PLCG1: variants seen among roughly 807,000 people sequenced by gnomAD.
PLCG1 encodes 1-phosphatidylinositol 4,5-bisphosphate phosphodiesterase gamma-1.
In PLCG1, 71 loss-of-function variants were observed where a neutral mutation model predicts 177.8. That is an observed-to-expected ratio of 0.40 (90% confidence interval 0.33 to 0.49). The LOEUF (loss-of-function observed/expected upper bound fraction) is 0.49, where lower values mean the gene tolerates loss of function less well. Among genes scored for constraint, PLCG1 ranks in the 20% least tolerant of loss-of-function variants. PLCG1 has a pLI of 0.72. For synonymous variants in PLCG1, 658 were observed against 647.9 expected (o/e 1.02, Z -0.24); for missense variants, 1,281 against 1,709.0 (o/e 0.75, Z 4.42).
In PLCG1 at chr20:41,147,497, C is replaced by T. The variant is rs943032868; in HGVS notation, c.217+9639C>T. ...GGTAAAACGATAGGTTATTCAACTT[C>T]AACTTCAGAGAAAGAAATCCAAGGT... is the stretch of plus-strand genomic sequence containing the variant. On this transcript the variant is annotated intron_variant, in intron 1 of 31. Coordinates refer to ENST00000685551, the MANE Select transcript of PLCG1 (RefSeq NM_002660.3). This position sits in a 1 kb window ranked among gnomAD's most constrained non-coding sequence, Gnocchi z 4.0. Among the ~76,000 whole-genome samples, 1 of 152,196 alleles carries T rather than the reference C, an allele frequency of 6.6e-6. No homozygotes were observed. Among genetic ancestry groups the T allele is most frequent in the Non-Finnish European group, 1.5e-5 (1 of 68,032 alleles).
At position 41,163,010 on chromosome 20, in the gene PLCG1, G is replaced by C; in HGVS notation, c.716+18G>C. ...ACTCTGAGGTTTGGTTTGGAGTGGG[G>C]AGGTGGGGTTTTCCCTGGGCCCCCT... On this transcript the variant is annotated intron_variant, in intron 7 of 31. Coordinates refer to ENST00000685551, the MANE Select transcript of PLCG1 (RefSeq NM_002660.3). The surrounding 1 kb of genome is among the most constrained non-coding windows in gnomAD (Gnocchi z 5.2). 1 of 1,613,154 alleles carries C rather than the reference G, an allele frequency of 6.2e-7. No individual in the cohort carries two copies. Among genetic ancestry groups the C allele is most frequent in the South Asian group, 1.1e-5 (1 of 91,056 alleles).
Position 41,174,572 on chromosome 20 carries a change from G to T in PLCG1, c.*63G>T, listed in dbSNP as rs2036005594. On this transcript the variant is annotated 3_prime_UTR_variant, in exon 32 of 32. Coordinates refer to ENST00000685551, the MANE Select transcript of PLCG1 (RefSeq NM_002660.3). This position sits in a 1 kb window ranked among gnomAD's most constrained non-coding sequence, Gnocchi z 5.8. ...GCGCCTTGTAGAATGCCGCGAACTG[G>T]GTTCTTTGGAAGCAGCCCCCTGTGG... 5 of 1,466,992 alleles carry T rather than the reference G, an allele frequency of 3.4e-6. No individual in the cohort carries two copies. In the East Asian group the frequency reaches 7.4e-5, roughly 22 times the overall value. 90.9% of individuals were successfully genotyped at this position (1,466,992 alleles called of 1,614,324 possible). A position where few individuals can be genotyped will look rare whatever the true frequency, so the allele number is the denominator to read the frequency against.
chr20:41,137,903 C>T lies in PLCG1; in HGVS notation c.217+45C>T, dbSNP rs890829039. On this transcript the variant is annotated intron_variant, in intron 1 of 31. Transcript: ENST00000685551. This position sits in a 1 kb window ranked among gnomAD's most constrained non-coding sequence, Gnocchi z 7.3. ...GCCTGGGCCCGCCCCGCGCGGGGGTCGTGGGAGCCCGGCCCGACTGCTTGC... is the reference window on the plus strand; with the variant it reads ...GCCTGGGCCCGCCCCGCGCGGGGGTTGTGGGAGCCCGGCCCGACTGCTTGC... 1 of 1,198,646 alleles carries T rather than the reference C, an allele frequency of 8.3e-7. No individual in the cohort carries two copies. Among genetic ancestry groups the T allele is most frequent in the Non-Finnish European group, 1.1e-6 (1 of 944,472 alleles). 74.3% of individuals were successfully genotyped at this position (1,198,646 alleles called of 1,614,324 possible). A position where few individuals can be genotyped will look rare whatever the true frequency, so the allele number is the denominator to read the frequency against.
Position 41,153,670 on chromosome 20 carries a change from G to GA in PLCG1, c.218-5936_218-5935insA, listed in dbSNP as rs2035232735. Among the ~76,000 whole-genome samples the GA allele has an allele frequency of 6.6e-6, 1 of 152,154 alleles. No individual in the cohort carries two copies. Among genetic ancestry groups the GA allele is most frequent in the Non-Finnish European group, 1.5e-5 (1 of 68,026 alleles). The stretch of plus-strand genomic sequence containing the variant: ...CCAGCACTTTGGGAGGCCGAGGCAG[G>GA]CGAATCACTGGAGGTCAGGAGTTTG... On this transcript the variant is annotated intron_variant, in intron 1 of 31. Coordinates refer to ENST00000685551, the MANE Select transcript of PLCG1 (RefSeq NM_002660.3). This position sits in a 1 kb window ranked among gnomAD's most constrained non-coding sequence, Gnocchi z 5.1.
In PLCG1 at chr20:41,165,122, C is replaced by T. The variant is rs748863824; in HGVS notation, c.1386+21C>T. The T allele has an allele frequency of 2.6e-5, 42 of 1,606,864 alleles. No individual in the cohort carries two copies. The African/African-American group carries it at 3.6e-4, about 14-fold the overall frequency. On this transcript the variant is annotated intron_variant, in intron 13 of 31. Transcript: ENST00000685551. This position sits in a 1 kb window ranked among gnomAD's most constrained non-coding sequence, Gnocchi z 6.6. ...TCAAGGTGGGGTGGCGGGCTTATTG[C>T]GGAAGCCCCACACTTCTCAGTGCCT... is the stretch of plus-strand genomic sequence containing the variant.
intron 23 of PLCG1, 87 bp from the exon 24 acceptor site, chr20:41,170,025 C>T: frequency 8.2e-7 from 1 of 1,218,308 alleles, no homozygotes; most frequent in Non-Finnish European, 1.2e-6. Flanking sequence ...TGAGATAGAA[C>T]TCATTTGAGC....
At position 41,147,531 on chromosome 20, in the gene PLCG1, C is replaced by A. The variant is rs962394921; in HGVS notation, c.217+9673C>A. Among the ~76,000 whole-genome samples the A allele has an allele frequency of 6.6e-6, 1 of 152,242 alleles. No individual in the cohort carries two copies. The highest frequency in any genetic ancestry group is 1.5e-5 in the Non-Finnish European group (1 of 68,046). ...AGAAAGAAATCCAAGGTAGCCATCT[C>A]TCTCAGTAGGGGAGGTGAGTTCAAA... On this transcript the variant is annotated intron_variant, in intron 1 of 31. Transcript: ENST00000685551. This position sits in a 1 kb window ranked among gnomAD's most constrained non-coding sequence, Gnocchi z 4.0.
Position 41,167,878 on chromosome 20 carries a change from G to A in PLCG1, c.2328G>A (p.Glu776=). ...TAEPDYGALY[E]GRNPGFYVEA... is the part of the protein sequence containing the mutation. Reference sequence around the variant, plus strand: ...AGCCTGACTACGGGGCCCTGTATGAGGGACGCAACCCTGGCTTCTATGTAG... The same window carrying A: ...AGCCTGACTACGGGGCCCTGTATGAAGGACGCAACCCTGGCTTCTATGTAG... The change falls in exon 20 of 32, where the codon GAG becomes GAA. Residue 776 remains glutamate (E), a synonymous_variant. Coordinates refer to ENST00000685551, the MANE Select transcript of PLCG1 (RefSeq NM_002660.3). The surrounding 1 kb of genome is among the most constrained non-coding windows in gnomAD (Gnocchi z 4.4). The A allele has an allele frequency of 6.2e-7, 1 of 1,613,772 alleles. No homozygotes were observed. The highest frequency in any genetic ancestry group is 8.5e-7 in the Non-Finnish European group (1 of 1,179,776).
At position 41,167,707 on chromosome 20, in the gene PLCG1, C is replaced by A; in HGVS notation, c.2302-145C>A. On this transcript the variant is annotated intron_variant, in intron 19 of 31. Transcript: ENST00000685551. This position sits in a 1 kb window ranked among gnomAD's most constrained non-coding sequence, Gnocchi z 4.4. ...AGGCCGGGCCTGAGGCCTCTGAAGC[C>A]GTCTCTACTGAGGTCGAAGGATCCC... 1 of 640,774 alleles carries A rather than the reference C, an allele frequency of 1.6e-6. No homozygotes were observed. Among genetic ancestry groups the A allele is most frequent in the Non-Finnish European group, 2.8e-6 (1 of 354,230 alleles). 39.7% of individuals were successfully genotyped at this position (640,774 alleles called of 1,614,324 possible). A position where few individuals can be genotyped will look rare whatever the true frequency, so the allele number is the denominator to read the frequency against.
rs1158373609 is a variant in PLCG1, at chr20:41,162,488, G to A, written c.549G>A (p.Gln183=). 1 of 1,613,856 alleles carries A rather than the reference G, an allele frequency of 6.2e-7. No homozygotes were observed. The highest frequency in any genetic ancestry group is 8.5e-7 in the Non-Finnish European group (1 of 1,179,978). ...SAKDLKNMLS[Q]VNYRVPNMRF... is the part of the protein sequence containing the mutation. ...AGGACCTGAAGAACATGCTGTCCCAGGTCAACTACCGGGTCCCCAACATGC... is the reference window on the plus strand; with the variant it reads ...AGGACCTGAAGAACATGCTGTCCCAAGTCAACTACCGGGTCCCCAACATGC... The change falls in exon 5 of 32, where the codon CAG becomes CAA. Residue 183 remains glutamine (Q), a synonymous_variant. Coordinates refer to ENST00000685551, the MANE Select transcript of PLCG1 (RefSeq NM_002660.3).
intron 4 of PLCG1, among the ~76,000 whole-genome samples, chr20:41,162,118 G>C (rs938211985): frequency 6.6e-6 from 1 of 152,154 alleles, no homozygotes; most frequent in Non-Finnish European, 1.5e-5. Flanking sequence ...CAGCAGTGCC[G>C]GTAGGAGGGG....
At position 41,150,284 on chromosome 20, in the gene PLCG1, TAGTG is replaced by T. The variant is rs549665167; in HGVS notation, c.218-9319_218-9316del. 5.6e-4 allele frequency among the ~76,000 whole-genome samples: 85 copies of T among 152,300 alleles called. No homozygotes were observed. The highest frequency in any genetic ancestry group is 2.0e-3 in the African/African-American group (83 of 41,558). ...GAGTTTGAGACAAGCTTGGGCAACA[TAGTG>T]AGACCCCATCTCTATAAAATATAAA... On this transcript the variant is annotated intron_variant, in intron 1 of 31. Coordinates refer to ENST00000685551, the MANE Select transcript of PLCG1 (RefSeq NM_002660.3). This position sits in a 1 kb window ranked among gnomAD's most constrained non-coding sequence, Gnocchi z 4.0.
At chr20:41,143,447 G>A (rs2034894856) in intron 1 of PLCG1, among the ~76,000 whole-genome samples, 1 of 152,196 alleles carries the variant, frequency 6.6e-6, no homozygotes. Flanking sequence ...CAGACTGTGA[G>A]GAGAGTCCTA....
chr20:41,166,731 A>G lies in PLCG1; in HGVS notation c.2173A>G (p.Met725Val). The G allele has an allele frequency of 2.5e-6, 4 of 1,614,158 alleles. No homozygotes were observed. The highest frequency in any genetic ancestry group is 3.4e-6 in the Non-Finnish European group (4 of 1,180,022). ...CRVQQEGQTVMLGNSEFDSLV... is the reference protein window; with the variant it reads ...CRVQQEGQTVVLGNSEFDSLV... ...TGTCCAGCAAGAGGGCCAGACAGTG[A>G]TGCTAGGGAACTCGGAGTTCGACAG... The change falls in exon 19 of 32, where the codon ATG becomes GTG. Residue 725 changes from methionine to valine, a missense_variant. Physicochemically the swap from Met to Val is conservative, Grantham distance 21. Coordinates refer to ENST00000685551, the MANE Select transcript of PLCG1 (RefSeq NM_002660.3). This position sits in a 1 kb window ranked among gnomAD's most constrained non-coding sequence, Gnocchi z 8.6.
At chr20:41,169,384 C>A in intron 22 of PLCG1, 73 bp from the exon 23 acceptor site, 1 of 1,199,374 alleles carries the variant, frequency 8.3e-7, no homozygotes, top group Non-Finnish European at 1.2e-6. Context: ...GTATTTGTCC[C>A]ATGCACACGG....
In PLCG1 at chr20:41,166,296, C is replaced by A. The variant is rs766244248; in HGVS notation, c.1902C>A (p.Asp634Glu). 1.2e-6 allele frequency: 2 copies of A among 1,614,186 alleles called. No individual in the cohort carries two copies. Among genetic ancestry groups the A allele is most frequent in the East Asian group, 4.5e-5 (2 of 44,884 alleles). Residue 634 changes from aspartate to glutamate, a missense_variant, in exon 17 of 32, where the codon GAC becomes GAA. This residue lies in a region of PLCG1 where 723 missense variants were observed against 1,030.0 expected (regional missense o/e 0.70). Transcript: ENST00000685551. The surrounding 1 kb of genome is among the most constrained non-coding windows in gnomAD (Gnocchi z 8.6). ...TDNLVFDSLYDLITHYQQVPL... is the reference protein window; with the variant it reads ...TDNLVFDSLYELITHYQQVPL... ...ACCTCGTCTTTGACTCCCTCTATGA[C>A]CTCATCACGCACTACCAGCAGGTGC... is the stretch of plus-strand genomic sequence containing the variant.
chr20:41,174,775 A>T lies in PLCG1; in HGVS notation c.*266A>T. Reference sequence around the variant, plus strand: ...ACACATCTGGCCCTGACTTCTGGAGATGGATCCTTCCATCTTGTGGGGCCA... The same window carrying T: ...ACACATCTGGCCCTGACTTCTGGAGTTGGATCCTTCCATCTTGTGGGGCCA... On this transcript the variant is annotated 3_prime_UTR_variant, in exon 32 of 32. Transcript: ENST00000685551. This position sits in a 1 kb window ranked among gnomAD's most constrained non-coding sequence, Gnocchi z 5.8. 1 of 490,308 alleles carries T rather than the reference A, an allele frequency of 2.0e-6. No homozygotes were observed. The highest frequency in any genetic ancestry group is 3.7e-6 in the Non-Finnish European group (1 of 269,714). 30.4% of individuals were successfully genotyped at this position (490,308 alleles called of 1,614,324 possible). A position where few individuals can be genotyped will look rare whatever the true frequency, so the allele number is the denominator to read the frequency against.
At position 41,163,319 on chromosome 20, in the gene PLCG1, G is replaced by A; in HGVS notation, c.789+44G>A. On this transcript the variant is annotated intron_variant, in intron 8 of 31. Transcript: ENST00000685551. The surrounding 1 kb of genome is among the most constrained non-coding windows in gnomAD (Gnocchi z 5.2). ...TGGCCCAGGCTGGTAGGTTGTGGGGGGCTGGGCTCATCCCTGACTGGAGGC... is the reference window on the plus strand; with the variant it reads ...TGGCCCAGGCTGGTAGGTTGTGGGGAGCTGGGCTCATCCCTGACTGGAGGC... 1 of 1,598,522 alleles carries A rather than the reference G, an allele frequency of 6.3e-7. No individual in the cohort carries two copies. The highest frequency in any genetic ancestry group is 8.6e-7 in the Non-Finnish European group (1 of 1,168,642).
intron 1 of PLCG1, among the ~76,000 whole-genome samples, chr20:41,158,396 G>A (rs577967539): frequency 6.6e-6 from 1 of 152,312 alleles, no homozygotes; most frequent in African/African-American, 2.4e-5. Flanking sequence ...AGTCATAGCT[G>A]TTGGCTAAGC....
Sources: gnomAD v4.1 joint callset for allele counts (sites outside exome capture counted in the v4.1 genomes callset) on GRCh38, gnomAD v4.1.1 for gene constraint, gnomAD v4.1.1 regional missense constraint, Gnocchi (gnomAD v3.1) non-coding constraint, MANE v1.5 for transcripts, NCBI Gene and HGNC (gene_info 2026-07-23, HGNC 2026-07-21) for gene names.